DENND4C: variants seen among roughly 807,000 people sequenced by gnomAD.
DENND4C encodes the protein DENN domain containing 4C, also known as DENN domain-containing protein 4C.
Under a neutral mutation model 203.0 loss-of-function variants are expected in DENND4C, and 108 were observed. The observed-to-expected ratio is 0.53, with a 90% CI of 0.46 to 0.62. The LOEUF (loss-of-function observed/expected upper bound fraction) is 0.62. DENND4C is among the 20% of genes least tolerant of loss of function. The pLI, the probability that DENND4C is intolerant of heterozygous loss-of-function variation, is 0.00. For synonymous variants in DENND4C, 871 were observed against 792.4 expected, an observed-to-expected ratio of 1.10 and a Z score of -1.67; for missense variants, 2,481 against 2,301.2, an observed-to-expected ratio of 1.08 and a Z score of -1.60.
intron 16 of DENND4C, 24 bp downstream of exon 16, chr9:19,328,186 A>G (rs757962073): frequency 6.3e-7 from 1 of 1,586,020 alleles, no homozygotes; most frequent in Non-Finnish European, 8.6e-7. Flanking sequence ...TATCTAATAC[A>G]TGTTCATTTA....
In DENND4C at chr9:19,286,792, G is replaced by T. The variant is rs896157533; in HGVS notation, c.329G>T (p.Arg110Leu). The T allele has an allele frequency of 4.9e-6, 6 of 1,231,950 alleles. No individual in the cohort carries two copies. The highest frequency in any genetic ancestry group is 1.6e-5 in the African/African-American group (1 of 64,388). The allele number at this position is 1,231,950 out of a possible 1,614,324, so 76.3% of individuals were successfully genotyped here. A position where few individuals can be genotyped will look rare whatever the true frequency, so the allele number is the denominator to read the frequency against. ...DIGVLYEGKE[R>L]LIPGCEVILA... ...AGAGTTCTATATGAAGGGAAAGAAC[G>T]GCTTATTCCAGGATGTGAAGTGATC... Residue 110 changes from arginine (R) to leucine (L), a missense_variant, in exon 3 of 33, where the codon CGG (arginine) becomes CTG (leucine). By Grantham distance (102) the Arg-to-Leu change is moderately radical. This residue lies in a region of DENND4C where 187 missense variants were observed against 167.4 expected (regional missense o/e 1.12). Transcript: ENST00000434457.
chr9:19,339,701 C>G (rs922784863), intron 20 of DENND4C, among the ~76,000 whole-genome samples: 4 of 152,178 alleles, frequency 2.6e-5, no homozygotes, highest in African/African-American at 9.7e-5. Context: ...TATCCTTTCT[C>G]ATGACACTTT....
At position 19,297,125 on chromosome 9, in the gene DENND4C, TAACA is replaced by T. The variant is rs1053017101; in HGVS notation, c.1040+883_1040+886del. ...ATAGTTTATAATTTATGTATCCTGC[TAACA>T]AACTAAAAAGTGTCAAGAGCTGTAA... On this transcript the variant is annotated intron_variant, in intron 6 of 32. Transcript: ENST00000434457. Among the ~76,000 whole-genome samples, 76 of 152,218 alleles carry T rather than the reference TAACA, an allele frequency of 5.0e-4. 1 individual carries two copies. The highest frequency in any genetic ancestry group is 2.2e-4 in the Non-Finnish European group (15 of 68,034).
intron 30 of DENND4C, among the ~76,000 whole-genome samples, chr9:19,369,156 A>T (rs893088670): frequency 1.3e-5 from 2 of 152,106 alleles, no homozygotes; most frequent in Non-Finnish European, 2.9e-5. Context: ...AATTAAGTAA[A>T]TACATTTTTA....
In DENND4C at chr9:19,290,753, A is replaced by C; in HGVS notation, c.678A>C (p.Ser226=). 1 of 1,583,424 alleles carries C rather than the reference A, an allele frequency of 6.3e-7. No individual in the cohort carries two copies. Among genetic ancestry groups the C allele is most frequent in the South Asian group, 1.2e-5 (1 of 85,988 alleles). Reference sequence around the variant, plus strand: ...AGGACTATGAGTCATTTCCACTCTCAGAATCAGATGTACCTCTTTTCTGCC... The same window carrying C: ...AGGACTATGAGTCATTTCCACTCTCCGAATCAGATGTACCTCTTTTCTGCC... The part of the protein sequence containing the change: ...PEEDYESFPL[S]ESDVPLFCLP... The change falls in exon 5 of 33, where the codon TCA becomes TCC. Residue 226 remains serine (S), a synonymous_variant. Coordinates refer to ENST00000434457, the MANE Select transcript of DENND4C (RefSeq NM_001330640.2).
Position 19,316,464 on chromosome 9 carries a change from C to T in DENND4C, c.1535C>T (p.Pro512Leu), listed in dbSNP as rs376336779. 1.1e-5 allele frequency: 17 copies of T among 1,613,706 alleles called. No homozygotes were observed. The highest frequency in any genetic ancestry group is 4.4e-5 in the South Asian group (4 of 90,988). Residue 512 changes from proline to leucine, a missense_variant, in exon 11 of 33, where the codon CCG becomes CTG. By Grantham distance (98) the Pro-to-Leu change is moderately conservative. This residue lies in a region of DENND4C where 2,289 missense variants were observed against 2,113.3 expected (regional missense o/e 1.08). Transcript: ENST00000434457. Reference protein sequence around the residue: ...NMNWKQLPKKPCKNLLSTLKK... With the variant: ...NMNWKQLPKKLCKNLLSTLKK... ...AACTGGAAGCAACTTCCCAAAAAGCCGTGCAAAAATCTACTTAGCACCTTA... is the reference window on the plus strand; with the variant it reads ...AACTGGAAGCAACTTCCCAAAAAGCTGTGCAAAAATCTACTTAGCACCTTA...
At chr9:19,304,739 C>CG (rs367915999) in intron 9 of DENND4C, among the ~76,000 whole-genome samples, 3,825 of 144,828 alleles carry the variant, frequency 0.026, 166 homozygotes, top group African/African-American at 0.091. Flanking sequence ...TTAGTAGAGA[C>CG]GGGGTTTCAC....
chr9:19,307,477 ATT>A (rs1839920085), intron 10 of DENND4C, among the ~76,000 whole-genome samples: 1 of 151,364 alleles, frequency 6.6e-6, no homozygotes, highest in Non-Finnish European at 1.5e-5. Context: ...CCACAACTTT[ATT>A]AAGAAATAGG....
At chr9:19,260,649 G>C (rs1829130532) in intron 1 of DENND4C, among the ~76,000 whole-genome samples, 1 of 152,038 alleles carries the variant, frequency 6.6e-6, no homozygotes, top group African/African-American at 2.4e-5. Context: ...CACCCGCCTT[G>C]GTCTCCCAAA....
intron 31 of DENND4C, among the ~76,000 whole-genome samples, chr9:19,370,318 G>A (rs1828563158): frequency 6.6e-6 from 1 of 152,108 alleles, no homozygotes; most frequent in African/African-American, 2.4e-5. Context: ...TTTGTCAGGG[G>A]TGGTATGTGC....
chr9:19,263,268 G>C (rs1829787246), intron 1 of DENND4C, among the ~76,000 whole-genome samples: 2 of 152,164 alleles, frequency 1.3e-5, no homozygotes, highest in South Asian at 4.1e-4. Flanking sequence ...AACTATCCTT[G>C]TCTCCCTGGT....
chr9:19,243,200 A>G (rs1331058102), intron 1 of DENND4C, among the ~76,000 whole-genome samples: 2 of 152,164 alleles, frequency 1.3e-5, no homozygotes, highest in Non-Finnish European at 2.9e-5. Flanking sequence ...TTCTGACTTT[A>G]TAGATTTACC....
intron 22 of DENND4C, among the ~76,000 whole-genome samples, chr9:19,343,749 A>T (rs1331322464): frequency 6.6e-6 from 1 of 152,232 alleles, no homozygotes; most frequent in Admixed American, 6.5e-5. Context: ...GAGGCTTAGA[A>T]TCCTCTCAAA....
intron 12 of DENND4C, among the ~76,000 whole-genome samples, chr9:19,320,120 A>T (rs375379029): frequency 6.6e-6 from 1 of 152,206 alleles, no homozygotes; most frequent in African/African-American, 2.4e-5. Flanking sequence ...AAAGTAAAAA[A>T]TAGGGGGAAA....
Position 19,346,342 on chromosome 9 carries a change from G to C in DENND4C, c.3573G>C (p.Val1191=), listed in dbSNP as rs1190887516. ...AAAGCCAAGAACTCCTTGAGCCTGT[G>C]GTTGATGACGTACCTAAAACTACTG... ...LEESQELLEP[V]VDDVPKTTAT... Residue 1191 remains valine, a synonymous_variant, in exon 23 of 33, where the codon GTG becomes GTC. Coordinates refer to ENST00000434457, the MANE Select transcript of DENND4C (RefSeq NM_001330640.2). 4 of 1,614,024 alleles carry C rather than the reference G, an allele frequency of 2.5e-6. No individual in the cohort carries two copies. In the African/African-American group the frequency reaches 5.3e-5, roughly 22 times the overall value.
At chr9:19,369,137 G>T (rs1399632273) in intron 30 of DENND4C, among the ~76,000 whole-genome samples, 1 of 152,114 alleles carries the variant, frequency 6.6e-6, no homozygotes, top group African/African-American at 2.4e-5. Flanking sequence ...ATGCGATCCT[G>T]TCTCCAAAAA....
intron 10 of DENND4C, among the ~76,000 whole-genome samples, chr9:19,314,639 C>G (rs1440528293): frequency 1.3e-5 from 2 of 151,854 alleles, no homozygotes; most frequent in East Asian, 1.9e-4. Context: ...AATGCAATGA[C>G]TTGCTTAGAA....
At chr9:19,368,039 G>C (rs1828040269) in intron 30 of DENND4C, among the ~76,000 whole-genome samples, 1 of 152,170 alleles carries the variant, frequency 6.6e-6, no homozygotes, top group Non-Finnish European at 1.5e-5. Flanking sequence ...AATTGATAGT[G>C]ATGATGGTTG....
intron 1 of DENND4C, among the ~76,000 whole-genome samples, chr9:19,236,074 A>G (rs1232524854): frequency 3.3e-5 from 5 of 151,818 alleles, no homozygotes; most frequent in South Asian, 2.1e-4. Context: ...ATGCAGTTCA[A>G]TTATCTCTTA....
Sources: gnomAD v4.1 joint callset for allele counts (sites outside exome capture counted in the v4.1 genomes callset) on GRCh38, gnomAD v4.1.1 for gene constraint, gnomAD v4.1.1 regional missense constraint, MANE v1.5 for transcripts, NCBI Gene and HGNC (gene_info 2026-07-23, HGNC 2026-07-21) for gene names.